MTMR7: variants seen among roughly 807,000 people sequenced by gnomAD.
MTMR7 encodes the protein myotubularin related protein 7.
MTMR7 carries 76 observed loss-of-function variants against 81.2 expected under a neutral mutation model. The observed-to-expected ratio is 0.94, with a 90% CI of 0.78 to 1.13. The LOEUF is 1.13. MTMR7 is among the 50% of genes most tolerant of loss of function. MTMR7 has a pLI of 0.00. For missense variants in MTMR7, 1,044 were observed against 820.0 expected (o/e 1.27, Z -3.34); for synonymous variants, 372 against 289.8 (o/e 1.28, Z -2.88).
intron 11 of MTMR7, among the ~76,000 whole-genome samples, chr8:17,305,519 C>T (rs997331918): frequency 1.3e-5 from 2 of 152,248 alleles, no homozygotes; most frequent in Middle Eastern, 6.8e-3. Context: ...TGCATCAAGT[C>T]TGTCAAGCTG....
intron 1 of MTMR7, among the ~76,000 whole-genome samples, chr8:17,392,584 G>C (rs558734907): frequency 6.6e-6 from 1 of 152,330 alleles, no homozygotes. Context: ...ATGTCACTGA[G>C]GCTTTGCCTC....
Position 17,301,639 on chromosome 8 carries a change from T to A in MTMR7, c.1620+515A>T, listed in dbSNP as rs74584163. On this transcript the variant is annotated intron_variant, in intron 13 of 13. Transcript: ENST00000180173. ...ATGTTCATAAACTACATTAGTACCA[T>A]TGGAAACAAAGTTATCCAATTAGGA... is the stretch of plus-strand genomic sequence containing the variant. 932 of 154,036 alleles carry A rather than the reference T, an allele frequency of 6.1e-3. 45 individuals carry two copies. In the East Asian group the frequency reaches 0.12, roughly 21 times the overall value. The allele number at this position is 154,036 out of a possible 1,614,324, so 9.5% of individuals were successfully genotyped here.
At chr8:17,325,667 A>G (rs958811178) in intron 7 of MTMR7, among the ~76,000 whole-genome samples, 1 of 152,212 alleles carries the variant, frequency 6.6e-6, no homozygotes, top group Non-Finnish European at 1.5e-5. Flanking sequence ...CCACAGAACA[A>G]CTTGCTGAGA....
chr8:17,315,801 A>C (rs1056321233), intron 7 of MTMR7, among the ~76,000 whole-genome samples: 6 of 152,234 alleles, frequency 3.9e-5, no homozygotes, highest in Admixed American at 1.3e-4. Context: ...CATTTGAGTC[A>C]AGGAGTTCAA....
intron 5 of MTMR7, 36 bp from the exon 6 acceptor site, chr8:17,341,533 G>T: frequency 1.2e-6 from 2 of 1,608,878 alleles, no homozygotes; most frequent in Non-Finnish European, 8.5e-7. Context: ...AGCACCATCA[G>T]GTAACTGTAC....
At chr8:17,305,357 T>C (rs1817381785) in intron 11 of MTMR7, among the ~76,000 whole-genome samples, 2 of 152,238 alleles carry the variant, frequency 1.3e-5, no homozygotes, top group African/African-American at 4.8e-5. Context: ...CAATACAGTT[T>C]TAATCTGAAT....
At position 17,379,568 on chromosome 8, in the gene MTMR7, A is replaced by T. The variant is rs866207059; in HGVS notation, c.25-6328T>A. Among the ~76,000 whole-genome samples the T allele has an allele frequency of 4.7e-4, 71 of 152,298 alleles. 1 individual carries two copies. In the Middle Eastern group the frequency reaches 0.02, roughly 44 times the overall value. On this transcript the variant is annotated intron_variant, in intron 1 of 13. Transcript: ENST00000180173. ...GCAAAGATTTGTTTATCCTGCTTGT[A>T]TTGCTTCTCCAATCCTAACAAACTT...
chr8:17,343,156 G>A (rs1819453513), intron 5 of MTMR7, among the ~76,000 whole-genome samples: 1 of 152,182 alleles, frequency 6.6e-6, no homozygotes. Flanking sequence ...GCCCAGTGTG[G>A]TGGCTCACGC....
chr8:17,369,888 G>T (rs912150264), intron 3 of MTMR7, among the ~76,000 whole-genome samples: 1 of 151,810 alleles, frequency 6.6e-6, no homozygotes, highest in Non-Finnish European at 1.5e-5. Flanking sequence ...TTTGCAATCC[G>T]CCTGCCTCGG....
rs377064333 is a variant in MTMR7, at chr8:17,351,584, CA to C, written c.469-2504del. ...GCATGTGCCAGGACAAAGAGCTCAA[CA>C]ACCTGCGCCCAGTCACCAATGGCCA... On this transcript the variant is annotated intron_variant, in intron 4 of 13. Transcript: ENST00000180173. Among the ~76,000 whole-genome samples, 90 of 152,358 alleles carry C rather than the reference CA, an allele frequency of 5.9e-4. 2 individuals are homozygous for C. The South Asian group carries it at 0.018, about 31-fold the overall frequency.
chr8:17,337,701 A>C (rs1451593155), intron 6 of MTMR7, among the ~76,000 whole-genome samples: 1 of 152,166 alleles, frequency 6.6e-6, no homozygotes, highest in Non-Finnish European at 1.5e-5. Flanking sequence ...GTGCAGCCTC[A>C]AACTCCTGGG....
intron 3 of MTMR7, among the ~76,000 whole-genome samples, chr8:17,370,002 C>G (rs1820363933): frequency 6.6e-6 from 1 of 151,968 alleles, no homozygotes. Flanking sequence ...CACAGAGAGG[C>G]AAGAAACACT....
rs915585550 is a variant in MTMR7, at chr8:17,296,896, C to T, written c.*2966G>A. ...GTTACAACCCAGTCATGAAACAGAG[C>T]AGTGTGATCAGTTATCTGCATTTAA... On this transcript the variant is annotated 3_prime_UTR_variant, in exon 14 of 14. Coordinates refer to ENST00000180173, the MANE Select transcript of MTMR7 (RefSeq NM_004686.5). The T allele has an allele frequency of 6.6e-6, 1 of 152,118 alleles. No homozygotes were observed. Among genetic ancestry groups the T allele is most frequent in the African/African-American group, 2.4e-5 (1 of 41,434 alleles). The allele number at this position is 152,118 out of a possible 1,614,324, so 9.4% of individuals were successfully genotyped here. A position where few individuals can be genotyped will look rare whatever the true frequency, so the allele number is the denominator to read the frequency against.
intron 2 of MTMR7, among the ~76,000 whole-genome samples, chr8:17,372,699 T>G (rs1820455434): frequency 6.6e-6 from 1 of 152,182 alleles, no homozygotes; most frequent in African/African-American, 2.4e-5. Context: ...TAGATTTTCT[T>G]TCTTTTTAAA....
At chr8:17,334,186 G>C (rs1251186645) in intron 6 of MTMR7, among the ~76,000 whole-genome samples, 1 of 152,048 alleles carries the variant, frequency 6.6e-6, no homozygotes, top group Non-Finnish European at 1.5e-5. Context: ...TAATTTCTTA[G>C]GATCTCCACC....
intron 4 of MTMR7, among the ~76,000 whole-genome samples, chr8:17,351,283 C>T (rs908652698): frequency 2.6e-5 from 4 of 152,208 alleles, no homozygotes; most frequent in Non-Finnish European, 4.4e-5. Flanking sequence ...TTATTTCAGA[C>T]AGCCTCTTTG....
intron 7 of MTMR7, among the ~76,000 whole-genome samples, chr8:17,318,049 A>G (rs1818190445): frequency 6.6e-6 from 1 of 152,052 alleles, no homozygotes; most frequent in Admixed American, 6.6e-5. Flanking sequence ...GAGACTCCCT[A>G]CATCAAACTG....
chr8:17,410,447 C>T (rs1274983816), intron 1 of MTMR7, among the ~76,000 whole-genome samples: 2 of 152,120 alleles, frequency 1.3e-5, no homozygotes, highest in African/African-American at 2.4e-5. Flanking sequence ...CCAAATTATG[C>T]CTAAGCTTCC....
At chr8:17,398,538 G>T (rs1240188658) in intron 1 of MTMR7, among the ~76,000 whole-genome samples, 1 of 152,118 alleles carries the variant, frequency 6.6e-6, no homozygotes, top group African/African-American at 2.4e-5. Context: ...AAAAAACAAT[G>T]AGGCATGCCT....
Sources: allele counts gnomAD v4.1 joint callset (sites outside exome capture counted in the v4.1 genomes callset), GRCh38; gene constraint gnomAD v4.1.1; transcripts MANE v1.5; gene names NCBI Gene and HGNC (gene_info 2026-07-23, HGNC 2026-07-21).